TMEM71: variants seen among roughly 807,000 people sequenced by gnomAD.
The protein encoded by TMEM71 is transmembrane protein 71.
TMEM71 carries 44 observed loss-of-function variants against 38.0 expected under a neutral mutation model. The observed-to-expected ratio is 1.16, with a 90% confidence interval of 0.91 to 1.49. TMEM71 has a LOEUF of 1.49. Ranked by LOEUF, TMEM71 falls within the 40% of genes most tolerant of loss-of-function variation. The probability of loss-of-function intolerance (pLI) is 0.00; values close to 1 mark genes in which losing one functional copy is unlikely to be tolerated. For synonymous variants in TMEM71, 133 were observed against 122.5 expected (o/e 1.09, Z -0.56); for missense variants, 367 against 348.6 (o/e 1.05, Z -0.42).
Position 132,714,030 on chromosome 8 carries a change from G to A in TMEM71, c.837C>T (p.Ser279=), listed in dbSNP as rs879069905. ...CAGTGGTTTTGAAATAGCTGGCAAG[G>A]CTGAGAAACAATGATTTCACATCTT... is the stretch of plus-strand genomic sequence containing the variant. ...TVAYVKSLFL[S]LASYFKTTAC... is the part of the protein sequence containing the mutation. The change falls in exon 9 of 10, where the codon AGC becomes AGT. Residue 279 remains serine (S), a synonymous_variant. Transcript: ENST00000677595. The A allele has an allele frequency of 5.0e-6, 8 of 1,613,910 alleles. 1 individual carries two copies. The highest frequency in any genetic ancestry group is 6.8e-6 in the Non-Finnish European group (8 of 1,179,948).
At chr8:132,748,357 C>T (rs1828507093) in intron 4 of TMEM71, among the ~76,000 whole-genome samples, 1 of 152,166 alleles carries the variant, frequency 6.6e-6, no homozygotes. Context: ...TAATGTTACA[C>T]CAGGGAAGGA....
At chr8:132,726,611 G>A (rs1258147728) in intron 6 of TMEM71, among the ~76,000 whole-genome samples, 1 of 152,154 alleles carries the variant, frequency 6.6e-6, no homozygotes, top group African/African-American at 2.4e-5. Flanking sequence ...AAGGAGTAGG[G>A]ATCTGGGCTT....
chr8:132,708,860 G>A (rs556265483), downstream of TMEM71, among the ~76,000 whole-genome samples: 1 of 152,326 alleles, frequency 6.6e-6, no homozygotes, highest in Middle Eastern at 3.4e-3. Flanking sequence ...GTGGTTTGAA[G>A]ATGGAGGAGG....
intron 5 of TMEM71, among the ~76,000 whole-genome samples, chr8:132,742,927 G>A (rs935739676): frequency 1.1e-4 from 16 of 152,204 alleles, no homozygotes; most frequent in Admixed American, 2.0e-4. Context: ...ATCAAATCAC[G>A]TCTTACATGG....
At chr8:132,737,621 C>A (rs1000486622) in intron 5 of TMEM71, among the ~76,000 whole-genome samples, 7 of 152,222 alleles carry the variant, frequency 4.6e-5, no homozygotes, top group Non-Finnish European at 8.8e-5. Context: ...ACCTTAGCTT[C>A]TTCCCCTGGA....
intron 3 of TMEM71, among the ~76,000 whole-genome samples, chr8:132,755,429 A>G (rs762464513): frequency 2.6e-5 from 4 of 152,144 alleles, no homozygotes; most frequent in Non-Finnish European, 5.9e-5. Flanking sequence ...GGTCCTTTCC[A>G]ATTGGTTTCT....
Position 132,725,559 on chromosome 8 carries a change from T to C in TMEM71, c.676+2239A>G, listed in dbSNP as rs145826171. On this transcript the variant is annotated intron_variant, in intron 6 of 9. Transcript: ENST00000677595. ...CCATTGGAACTCAAAAATCTTCAACTGATACAACTGATGTATCTGCCTATA... is the reference window on the plus strand; with the variant it reads ...CCATTGGAACTCAAAAATCTTCAACCGATACAACTGATGTATCTGCCTATA... 2.7e-4 allele frequency among the ~76,000 whole-genome samples: 41 copies of C among 152,340 alleles called. No homozygotes were observed. In the East Asian group the frequency reaches 7.5e-3, roughly 28 times the overall value.
At chr8:132,761,051 T>A (rs1331698144), upstream of TMEM71, among the ~76,000 whole-genome samples, 2 of 152,244 alleles carry the variant, frequency 1.3e-5, no homozygotes, top group African/African-American at 4.8e-5. Context: ...TAGGTTTATC[T>A]AATGAAGGTT....
chr8:132,765,345 C>G (rs149819774), upstream of TMEM71, among the ~76,000 whole-genome samples: 2 of 152,146 alleles, frequency 1.3e-5, no homozygotes, highest in Non-Finnish European at 2.9e-5. Context: ...TGTAAGGACT[C>G]GGCCCAAAGC....
chr8:132,756,416 TATATA>T (rs1181687911), intron 3 of TMEM71, among the ~76,000 whole-genome samples: 3 of 58,704 alleles, frequency 5.1e-5, no homozygotes, highest in Admixed American at 5.2e-4. Context: ...ATATATTATA[TATATA>T]TATATATATA....
chr8:132,718,554 C>T lies in TMEM71; in HGVS notation c.752+3486G>A, dbSNP rs144307598. Among the ~76,000 whole-genome samples the T allele has an allele frequency of 4.4e-3, 663 of 152,164 alleles. 2 individuals are homozygous for T. Among genetic ancestry groups the T allele is most frequent in the African/African-American group, 0.015 (630 of 41,504 alleles). Reference sequence around the variant, plus strand: ...CTGGGACTACAGGTGCCCACCACCACGCCTGGCTAATTTTTTATATTTTTA... The same window carrying T: ...CTGGGACTACAGGTGCCCACCACCATGCCTGGCTAATTTTTTATATTTTTA... On this transcript the variant is annotated intron_variant, in intron 7 of 9. Transcript: ENST00000677595.
chr8:132,775,380 G>T, the TMEM71 span: 2 of 368,066 alleles, frequency 5.4e-6, no homozygotes, highest in African/African-American at 2.1e-5. Flanking sequence ...GGGGCCCGGC[G>T]TCGCGTCAGG....
chr8:132,726,313 A>G (rs1167285458), intron 6 of TMEM71, among the ~76,000 whole-genome samples: 1 of 152,130 alleles, frequency 6.6e-6, no homozygotes, highest in Non-Finnish European at 1.5e-5. Flanking sequence ...CACTAGGAAC[A>G]AAATGTACAA....
At chr8:132,753,765 G>GA (rs1227212796) in intron 3 of TMEM71, among the ~76,000 whole-genome samples, 4 of 152,016 alleles carry the variant, frequency 2.6e-5, no homozygotes, top group East Asian at 1.9e-4. Context: ...TGTAAAACGA[G>GA]AAAAAAATCT....
At chr8:132,772,141 C>G in the TMEM71 span, among the ~76,000 whole-genome samples, 1 of 152,074 alleles carries the variant, frequency 6.6e-6, no homozygotes, top group Non-Finnish European at 1.5e-5. Context: ...TATTTGTAAT[C>G]AAGGAGTATC....
At chr8:132,755,866 A>G (rs1337453181) in intron 3 of TMEM71, among the ~76,000 whole-genome samples, 1 of 152,194 alleles carries the variant, frequency 6.6e-6, no homozygotes, top group Non-Finnish European at 1.5e-5. Context: ...TATCCTCATC[A>G]TATAGCAGGA....
chr8:132,767,376 A>G, the TMEM71 span, among the ~76,000 whole-genome samples: 6 of 152,034 alleles, frequency 3.9e-5, no homozygotes, highest in Admixed American at 3.9e-4. Flanking sequence ...TGTACATTCT[A>G]TTCTAAGAAC....
chr8:132,729,374 C>T (rs1344992967), intron 5 of TMEM71, among the ~76,000 whole-genome samples: 1 of 152,198 alleles, frequency 6.6e-6, no homozygotes, highest in Non-Finnish European at 1.5e-5. Context: ...CCTAGGAATT[C>T]TCTTGGTTCT....
chr8:132,721,201 C>A (rs142160208), intron 7 of TMEM71, among the ~76,000 whole-genome samples: 64 of 152,222 alleles, frequency 4.2e-4, no homozygotes, highest in African/African-American at 1.5e-3. Flanking sequence ...GGCCTAGCAC[C>A]AAGGAACCTG....
Sources: gnomAD v4.1 joint callset for allele counts (sites outside exome capture counted in the v4.1 genomes callset) on GRCh38, gnomAD v4.1.1 for gene constraint, MANE v1.5 for transcripts, NCBI Gene and HGNC (gene_info 2026-07-23, HGNC 2026-07-21) for gene names.